Variants in TOGARAM2 observed in about 807,000 individuals in gnomAD.
TOGARAM2 encodes TOG array regulator of axonemal microtubules 2.
A neutral mutation model predicts 93.3 loss-of-function variants in TOGARAM2; 85 were observed. The ratio of observed to expected loss-of-function variants is 0.91; its 90% CI spans 0.76 to 1.09. The LOEUF (loss-of-function observed/expected upper bound fraction) is 1.09. Among genes scored for constraint, TOGARAM2 ranks in the 50% least tolerant of loss-of-function variants. The pLI, the probability that TOGARAM2 is intolerant of heterozygous loss-of-function variation, is 0.00. For synonymous variants in TOGARAM2, 593 were observed against 552.8 expected (o/e 1.07, Z -1.02); for missense variants, 1,277 against 1,334.5 (o/e 0.96, Z 0.67).
Position 29,017,823 on chromosome 2 carries a change from G to T in TOGARAM2, c.1227G>T (p.Leu409=), listed in dbSNP as rs1426875666. Reference sequence around the variant, plus strand: ...TTCCCCTCCGGGGCAGCGGGACACTGTCTGTGCCCACTAGGCTGAGCGGCC... The same window carrying T: ...TTCCCCTCCGGGGCAGCGGGACACTTTCTGTGCCCACTAGGCTGAGCGGCC... ...GLLPLRGSGT[L]SVPTRLSGPC... is the part of the protein sequence containing the mutation. Residue 409 remains leucine, a synonymous_variant, in exon 10 of 20, where the codon CTG becomes CTT. Coordinates refer to ENST00000379558, the MANE Select transcript of TOGARAM2 (RefSeq NM_199280.4). 6.2e-7 allele frequency: 1 copy of T among 1,612,932 alleles called. No individual in the cohort carries two copies. The highest frequency in any genetic ancestry group is 1.3e-5 in the African/African-American group (1 of 75,052).
At chr2:29,040,380 T>C (rs1666359799) in intron 18 of TOGARAM2, among the ~76,000 whole-genome samples, 1 of 152,212 alleles carries the variant, frequency 6.6e-6, no homozygotes, top group Non-Finnish European at 1.5e-5. Context: ...CCCTCACTCA[T>C]AGTCCCAACT....
At chr2:29,001,657 C>T (rs538336696) in intron 4 of TOGARAM2, among the ~76,000 whole-genome samples, 126 of 152,248 alleles carry the variant, frequency 8.3e-4, no homozygotes, top group Middle Eastern at 3.4e-3. Flanking sequence ...TGTGCCACCA[C>T]GCCCGGCTAA....
At chr2:29,013,421 G>A (rs1352896625) in intron 7 of TOGARAM2, among the ~76,000 whole-genome samples, 1 of 152,172 alleles carries the variant, frequency 6.6e-6, no homozygotes, top group Non-Finnish European at 1.5e-5. Flanking sequence ...AGTCCCACAG[G>A]CGGCCATCTG....
intron 6 of TOGARAM2, among the ~76,000 whole-genome samples, chr2:29,009,602 C>T (rs1419228588): frequency 2.0e-5 from 3 of 151,962 alleles, no homozygotes; most frequent in African/African-American, 7.3e-5. Context: ...GGAGCTGAGA[C>T]CATGCCGGGG....
At chr2:28,979,789 G>A (rs1393975147), upstream of TOGARAM2, among the ~76,000 whole-genome samples, 1 of 152,220 alleles carries the variant, frequency 6.6e-6, no homozygotes, top group Non-Finnish European at 1.5e-5. Context: ...AAGGACAGCA[G>A]GGGCCATGAG....
chr2:28,981,884 G>C (rs1672211593), intron 1 of TOGARAM2, among the ~76,000 whole-genome samples: 2 of 152,196 alleles, frequency 1.3e-5, no homozygotes, highest in South Asian at 4.1e-4. Flanking sequence ...CCTTCACAGG[G>C]CAACAGCTCC....
At chr2:29,020,209 C>G (rs114450460) in intron 10 of TOGARAM2, among the ~76,000 whole-genome samples, 1,916 of 142,976 alleles carry the variant, frequency 0.013, 35 homozygotes, top group African/African-American at 0.054. Context: ...AAATAAGGAA[C>G]AGATGTGGGT....
chr2:28,977,239 T>A (rs1672051257), upstream of TOGARAM2, among the ~76,000 whole-genome samples: 1 of 152,192 alleles, frequency 6.6e-6, no homozygotes, highest in African/African-American at 2.4e-5. Flanking sequence ...TCCACTTGCC[T>A]GGAACCCTTG....
intron 19 of TOGARAM2, chr2:29,047,671 C>T (rs115998140): frequency 0.011 from 1,616 of 152,360 alleles, 22 homozygotes; most frequent in Non-Finnish European, 0.016. Flanking sequence ...CATCCTTGCA[C>T]CTGGGGAATG....
upstream of TOGARAM2, among the ~76,000 whole-genome samples, chr2:28,978,279 A>G (rs1209974291): frequency 1.3e-5 from 2 of 151,738 alleles, no homozygotes; most frequent in Non-Finnish European, 2.9e-5. Flanking sequence ...AGCATGAACA[A>G]AGGCCAGGAG....
At chr2:29,030,450 T>C (rs1260071827) in intron 14 of TOGARAM2, among the ~76,000 whole-genome samples, 1 of 151,994 alleles carries the variant, frequency 6.6e-6, no homozygotes, top group Non-Finnish European at 1.5e-5. Context: ...TGTGTAACTC[T>C]GCCATGCAAC....
chr2:29,017,067 G>C, intron 8 of TOGARAM2, 87 bp from the exon 9 acceptor site: 1 of 1,517,722 alleles, frequency 6.6e-7, no homozygotes, highest in Non-Finnish European at 8.9e-7. Flanking sequence ...GACAGCAATT[G>C]GCACACAGTA....
upstream of TOGARAM2, among the ~76,000 whole-genome samples, chr2:28,980,374 A>C (rs1041430225): frequency 5.3e-5 from 8 of 152,256 alleles, no homozygotes; most frequent in African/African-American, 1.9e-4. Flanking sequence ...CGTGGGGTGT[A>C]GTTGGCCTCC....
intron 1 of TOGARAM2, among the ~76,000 whole-genome samples, chr2:28,963,451 T>C (rs1485767407): frequency 6.6e-6 from 1 of 152,248 alleles, no homozygotes; most frequent in African/African-American, 2.4e-5. Context: ...CAGAGTTCAC[T>C]GCAGCCTCCA....
At chr2:29,046,369 C>G (rs1458244103) in intron 19 of TOGARAM2, 1 of 152,290 alleles carries the variant, frequency 6.6e-6, no homozygotes, top group East Asian at 1.9e-4. Context: ...GTTTCATGAT[C>G]ATTTTTGCTT....
Position 29,051,949 on chromosome 2 carries a change from CGCCA to C in TOGARAM2, c.2925_2928del (p.Pro976SerfsTer11), listed in dbSNP as rs1558478217. Reference sequence around the variant, plus strand: ...TGGGCTCCCGCCTGCTGGACTTTGCCGCCAGCCAGCCAAAGCACGTCCTCAAGAC... The same window carrying C: ...TGGGCTCCCGCCTGCTGGACTTTGCCGCCAGCCAAAGCACGTCCTCAAGAC... On this transcript the variant is annotated frameshift_variant, in exon 20 of 20. Transcript: ENST00000379558. LOFTEE classifies it low-confidence loss of function (END_TRUNC). 1 of 1,608,336 alleles carries C rather than the reference CGCCA, an allele frequency of 6.2e-7. No individual in the cohort carries two copies. The highest frequency in any genetic ancestry group is 8.5e-7 in the Non-Finnish European group (1 of 1,177,780).
At chr2:29,042,742 C>A (rs1300952653) in intron 18 of TOGARAM2, among the ~76,000 whole-genome samples, 1 of 152,200 alleles carries the variant, frequency 6.6e-6, no homozygotes, top group Admixed American at 6.5e-5. Flanking sequence ...GCTCCGTGTC[C>A]GACTGCCAGA....
At chr2:28,997,062 T>A (rs1475570312) in intron 2 of TOGARAM2, among the ~76,000 whole-genome samples, 2 of 152,300 alleles carry the variant, frequency 1.3e-5, no homozygotes, top group Admixed American at 1.3e-4. Flanking sequence ...TGGATATTCA[T>A]CCAGCAGTGA....
chr2:28,975,647 A>C (rs1672017055), intron 1 of TOGARAM2, among the ~76,000 whole-genome samples: 1 of 152,170 alleles, frequency 6.6e-6, no homozygotes, highest in South Asian at 2.1e-4. Context: ...TTCTCATTCA[A>C]GTTATTTTAC....
Sources: allele counts gnomAD v4.1 joint callset (sites outside exome capture counted in the v4.1 genomes callset), GRCh38; gene constraint gnomAD v4.1.1; transcripts MANE v1.5; gene names NCBI Gene and HGNC (gene_info 2026-07-23, HGNC 2026-07-21).